NKAIN3: variants seen among roughly 807,000 people sequenced by gnomAD.
The protein encoded by NKAIN3 is sodium/potassium-transporting ATPase subunit beta-1-interacting protein 3.
Under a neutral mutation model 30.2 loss-of-function variants are expected in NKAIN3, and 25 were observed. That is an observed-to-expected ratio of 0.83 (90% CI 0.60 to 1.16). The LOEUF (loss-of-function observed/expected upper bound fraction) is 1.16. Ranked by LOEUF, NKAIN3 falls within the 50% of genes most tolerant of loss-of-function variation. The probability of loss-of-function intolerance (pLI) is 0.00; values close to 1 mark genes in which losing one functional copy is unlikely to be tolerated. For synonymous variants in NKAIN3, 91 were observed against 89.6 expected (o/e 1.02, Z -0.09); for missense variants, 225 against 254.1 (o/e 0.89, Z 0.78).
chr8:62,964,390 C>A (rs1013083938), intron 6 of NKAIN3, among the ~76,000 whole-genome samples: 2 of 152,066 alleles, frequency 1.3e-5, no homozygotes, highest in Admixed American at 1.3e-4. Context: ...GAAACTGATG[C>A]CCTAACATTC....
chr8:62,766,090 T>G (rs1003342793), intron 4 of NKAIN3, among the ~76,000 whole-genome samples: 1 of 152,312 alleles, frequency 6.6e-6, no homozygotes, highest in African/African-American at 2.4e-5. Context: ...ACCGGGTAGA[T>G]TCCGTATCTC....
At chr8:62,561,055 G>A (rs967779362) in intron 1 of NKAIN3, among the ~76,000 whole-genome samples, 2 of 152,070 alleles carry the variant, frequency 1.3e-5, no homozygotes, top group Non-Finnish European at 2.9e-5. Flanking sequence ...TTGTCTAAAA[G>A]TTTTCTCTCT....
At position 62,391,607 on chromosome 8, in the gene NKAIN3, C is replaced by T. The variant is rs552734031; in HGVS notation, c.54+142480C>T. On this transcript the variant is annotated intron_variant, in intron 1 of 6. Coordinates refer to ENST00000623646, the MANE Select transcript of NKAIN3 (RefSeq NM_001304533.3). ...TAAAATAGGAAAATTGTGAGATTCT[C>T]TGGATAAGAAATGAAAAGCATATGT... 5.3e-5 allele frequency among the ~76,000 whole-genome samples: 8 copies of T among 151,816 alleles called. 1 individual carries two copies. Among genetic ancestry groups the T allele is most frequent in the Middle Eastern group, 3.4e-3 (1 of 294 alleles).
At chr8:62,641,801 CT>C (rs979180403) in intron 3 of NKAIN3, among the ~76,000 whole-genome samples, 1 of 152,064 alleles carries the variant, frequency 6.6e-6, no homozygotes, top group Non-Finnish European at 1.5e-5. Context: ...TTAGATATAG[CT>C]TTTTTTCTGT....
downstream of NKAIN3, among the ~76,000 whole-genome samples, chr8:62,987,540 AG>A (rs1824227846): frequency 6.6e-6 from 1 of 152,186 alleles, no homozygotes; most frequent in South Asian, 2.1e-4. Flanking sequence ...ACATAGCAGC[AG>A]GGAAGAGATC....
chr8:62,269,455 C>A (rs369140146), intron 1 of NKAIN3, among the ~76,000 whole-genome samples: 6 of 152,024 alleles, frequency 3.9e-5, no homozygotes, highest in Non-Finnish European at 5.9e-5. Context: ...TCTCTGGAGT[C>A]GCCCATTATT....
chr8:62,290,003 G>A lies in NKAIN3; in HGVS notation c.54+40876G>A, dbSNP rs897213154. On this transcript the variant is annotated intron_variant, in intron 1 of 6. Transcript: ENST00000623646. ...CTAGGTATTTTATTCTCTTTGAAGT[G>A]ATTGTGAATGGGAGTTCACTCATGA... Among the ~76,000 whole-genome samples, 6 of 152,050 alleles carry A rather than the reference G, an allele frequency of 3.9e-5. No homozygotes were observed. In the East Asian group the frequency reaches 5.8e-4, roughly 15 times the overall value.
chr8:62,797,526 G>T (rs916701787), intron 4 of NKAIN3, among the ~76,000 whole-genome samples: 1 of 152,168 alleles, frequency 6.6e-6, no homozygotes, highest in Non-Finnish European at 1.5e-5. Context: ...CTGCCAGACA[G>T]TGACCTCCCT....
intron 4 of NKAIN3, among the ~76,000 whole-genome samples, chr8:62,758,807 T>G (rs922937550): frequency 6.6e-6 from 1 of 152,206 alleles, no homozygotes; most frequent in Admixed American, 6.5e-5. Flanking sequence ...TCAGTCAGAA[T>G]GGTCCCTATT....
intron 1 of NKAIN3, among the ~76,000 whole-genome samples, chr8:62,355,829 TAA>T (rs1410958948): frequency 1.3e-5 from 2 of 152,218 alleles, no homozygotes; most frequent in Admixed American, 6.5e-5. Flanking sequence ...ACATTCATAT[TAA>T]GTTTATTTTT....
intron 4 of NKAIN3, among the ~76,000 whole-genome samples, chr8:62,843,138 C>A (rs1819579403): frequency 2.0e-5 from 3 of 151,602 alleles, no homozygotes; most frequent in Non-Finnish European, 2.9e-5. Context: ...ATGAGTGGGT[C>A]ATACAGAGGA....
chr8:62,666,735 A>G (rs1188876102), intron 3 of NKAIN3, among the ~76,000 whole-genome samples: 1 of 152,152 alleles, frequency 6.6e-6, no homozygotes, highest in Non-Finnish European at 1.5e-5. Context: ...GATAATTTTT[A>G]TATTATGGTG....
intron 3 of NKAIN3, among the ~76,000 whole-genome samples, chr8:62,645,439 T>C (rs1477181214): frequency 6.6e-6 from 1 of 152,154 alleles, no homozygotes; most frequent in Non-Finnish European, 1.5e-5. Flanking sequence ...AAGGGATAGA[T>C]GTAGGGAGAA....
At chr8:62,913,467 G>A (rs984208922) in intron 4 of NKAIN3, among the ~76,000 whole-genome samples, 2 of 152,180 alleles carry the variant, frequency 1.3e-5, no homozygotes, top group African/African-American at 2.4e-5. Context: ...TATGCGATGC[G>A]TGACTATGCT....
chr8:62,345,249 G>GTA (rs775979385), intron 1 of NKAIN3, among the ~76,000 whole-genome samples: 73 of 51,842 alleles, frequency 1.4e-3, no homozygotes, highest in South Asian at 2.7e-3. Context: ...GTACATGTGG[G>GTA]TATATATATA....
At chr8:62,686,342 A>T (rs1209691088) in intron 3 of NKAIN3, among the ~76,000 whole-genome samples, 1 of 151,250 alleles carries the variant, frequency 6.6e-6, no homozygotes, top group Non-Finnish European at 1.5e-5. Context: ...GCCTATTCCT[A>T]CTCTCCTGTG....
rs143660141 is a variant in NKAIN3, at chr8:62,334,934, A to G, written c.54+85807A>G. Among the ~76,000 whole-genome samples, 1,095 of 152,198 alleles carry G rather than the reference A, an allele frequency of 7.2e-3. 24 individuals carry two copies. Among genetic ancestry groups the G allele is most frequent in the African/African-American group, 0.025 (1,055 of 41,552 alleles). On this transcript the variant is annotated intron_variant, in intron 1 of 6. Transcript: ENST00000623646. ...TTAAATGACAGTTCAAGGTTTTAAG[A>G]GTAAGTAATTAAAGAGACAGGAACT...
At chr8:62,567,887 C>T (rs1809808601) in intron 1 of NKAIN3, among the ~76,000 whole-genome samples, 2 of 151,974 alleles carry the variant, frequency 1.3e-5, no homozygotes, top group Non-Finnish European at 2.9e-5. Context: ...TGGTAATTTG[C>T]TAGAACACTG....
intron 5 of NKAIN3, among the ~76,000 whole-genome samples, chr8:62,928,658 T>C (rs1481650493): frequency 1.3e-5 from 2 of 152,168 alleles, no homozygotes; most frequent in East Asian, 3.9e-4. Flanking sequence ...GCCCCCAAAT[T>C]ACTTCCACGT....
Sources: allele counts gnomAD v4.1 joint callset (sites outside exome capture counted in the v4.1 genomes callset), GRCh38; gene constraint gnomAD v4.1.1; transcripts MANE v1.5; gene names NCBI Gene and HGNC (gene_info 2026-07-23, HGNC 2026-07-21).